The following GBP6 variants were observed in gnomAD, a reference collection of about 807,000 sequenced individuals.
The protein encoded by GBP6 is guanylate-binding protein 6.
A neutral mutation model predicts 61.5 loss-of-function variants in GBP6; 54 were observed. That is an observed-to-expected ratio of 0.88 (90% confidence interval 0.71 to 1.10). The LOEUF is 1.10. GBP6 is among the 50% of genes least tolerant of loss of function. The pLI, the probability that GBP6 is intolerant of heterozygous loss-of-function variation, is 0.00. For missense variants in GBP6, 748 were observed against 752.8 expected (o/e 0.99, Z 0.07); for synonymous variants, 255 against 273.7 (o/e 0.93, Z 0.67).
At chr1:89,382,513 T>A (rs1219887529) in intron 7 of GBP6, 151 bp from the exon 8 acceptor site, 27 of 652,186 alleles carry the variant, frequency 4.1e-5, no homozygotes, top group Non-Finnish European at 7.3e-5. Context: ...ATTGTAAATG[T>A]ATGAAGTTTT....
In GBP6 at chr1:89,378,447, G is replaced by T. The variant is rs756942354; in HGVS notation, c.459G>T (p.Lys153Asn). Residue 153 changes from lysine to asparagine, a missense_variant, in exon 5 of 11, where the codon AAG becomes AAT. By Grantham distance (94) the Lys-to-Asn change is moderately conservative (BLOSUM62 0). Transcript: ENST00000370456. The stretch of plus-strand genomic sequence containing the variant: ...TGACGGAGCTCACAGAACTAATTAA[G>T]GCAAAGTCCTCCCCAAGGCCTGATG... ...HYVTELTELIKAKSSPRPDGV... is the reference protein window; with the variant it reads ...HYVTELTELINAKSSPRPDGV... The T allele has an allele frequency of 1.2e-6, 2 of 1,614,080 alleles. No individual in the cohort carries two copies. The highest frequency in any genetic ancestry group is 1.7e-6 in the Non-Finnish European group (2 of 1,179,988).
intron 3 of GBP6, among the ~76,000 whole-genome samples, chr1:89,375,782 G>C (rs1426096740): frequency 3.3e-5 from 5 of 151,998 alleles, no homozygotes; most frequent in African/African-American, 1.2e-4. Flanking sequence ...GTCTAATTTT[G>C]CTTTTGTCAC....
intron 5 of GBP6, among the ~76,000 whole-genome samples, chr1:89,380,090 A>C (rs1652921281): frequency 6.6e-6 from 1 of 152,202 alleles, no homozygotes; most frequent in Non-Finnish European, 1.5e-5. Flanking sequence ...GTAAGCCGTG[A>C]TTGTGCCACT....
intron 1 of GBP6, among the ~76,000 whole-genome samples, chr1:89,365,269 C>T (rs1054934813): frequency 1.3e-5 from 2 of 152,224 alleles, no homozygotes; most frequent in African/African-American, 4.8e-5. Flanking sequence ...TCCCACACAG[C>T]TAAGAAACCA....
At chr1:89,382,049 C>T in intron 7 of GBP6, 75 bp downstream of exon 7, 1 of 1,379,532 alleles carries the variant, frequency 7.2e-7, no homozygotes, top group Non-Finnish European at 9.9e-7. Context: ...TTTATTGTCA[C>T]CAATGCTCAT....
intron 7 of GBP6, 36 bp downstream of exon 7, chr1:89,382,010 C>T: frequency 1.9e-6 from 3 of 1,556,102 alleles, no homozygotes; most frequent in Non-Finnish European, 2.6e-6. Flanking sequence ...CATCATCCTT[C>T]CCCTTGAAGA....
At chr1:89,380,137 C>A (rs557130299) in intron 5 of GBP6, among the ~76,000 whole-genome samples, 1 of 151,804 alleles carries the variant, frequency 6.6e-6, no homozygotes, top group Non-Finnish European at 1.5e-5. Context: ...GACCTCGTTT[C>A]GAAAAAACAA....
At chr1:89,368,872 C>A in intron 2 of GBP6, 131 bp downstream of exon 2, 1 of 740,696 alleles carries the variant, frequency 1.4e-6, no homozygotes, top group Non-Finnish European at 2.1e-6. Flanking sequence ...CATTCCAATT[C>A]TTACCACCAA....
At chr1:89,367,450 A>G (rs1652495907) in intron 1 of GBP6, among the ~76,000 whole-genome samples, 1 of 152,084 alleles carries the variant, frequency 6.6e-6, no homozygotes, top group Non-Finnish European at 1.5e-5. Context: ...TCATGTGCTT[A>G]TTGGCCATTT....
Position 89,387,506 on chromosome 1 carries a change from C to G in GBP6, c.*2037C>G, listed in dbSNP as rs993018081. Among the ~76,000 whole-genome samples the G allele has an allele frequency of 1.3e-5, 2 of 152,168 alleles. No individual in the cohort carries two copies. The highest frequency in any genetic ancestry group is 4.8e-5 in the African/African-American group (2 of 41,450). Reference sequence around the variant, plus strand: ...TCAGGCATAGGTTGTGCTAAATAAGCTTCTTTTATAAAAACAATAGGCTGA... The same window carrying G: ...TCAGGCATAGGTTGTGCTAAATAAGGTTCTTTTATAAAAACAATAGGCTGA... On this transcript the variant is annotated 3_prime_UTR_variant, in exon 11 of 11. Coordinates refer to ENST00000370456, the MANE Select transcript of GBP6 (RefSeq NM_198460.3).
chr1:89,368,607 A>C lies in GBP6; in HGVS notation c.56A>C (p.Glu19Ala), dbSNP rs1376573234. Residue 19 changes from glutamate (E) to alanine (A), a missense_variant, in exon 2 of 11, where the codon GAG (glutamate) becomes GCG (alanine). Glu to Ala is a moderately radical substitution (Grantham distance 107, BLOSUM62 -1). Transcript: ENST00000370456. Reference protein sequence around the residue: ...APVCLVENNNEQLLVNQQAIQ... With the variant: ...APVCLVENNNAQLLVNQQAIQ... ...GTTTGCCTGGTGGAAAATAACAATGAGCAGCTATTGGTGAACCAGCAAGCT... is the reference window on the plus strand; with the variant it reads ...GTTTGCCTGGTGGAAAATAACAATGCGCAGCTATTGGTGAACCAGCAAGCT... 1 of 1,614,210 alleles carries C rather than the reference A, an allele frequency of 6.2e-7. No individual in the cohort carries two copies. The highest frequency in any genetic ancestry group is 1.1e-5 in the South Asian group (1 of 91,088).
intron 6 of GBP6, among the ~76,000 whole-genome samples, chr1:89,381,432 G>T (rs1261142303): frequency 6.6e-6 from 1 of 151,958 alleles, no homozygotes; most frequent in African/African-American, 2.4e-5. Flanking sequence ...ATGAGAAATT[G>T]TACTTCCTGC....
chr1:89,368,433 C>T, intron 1 of GBP6, 96 bp from the exon 2 acceptor site: 1 of 822,956 alleles, frequency 1.2e-6, no homozygotes. Flanking sequence ...ACATGTTGTC[C>T]AGTAGAAACA....
In GBP6 at chr1:89,386,354, T is replaced by C. The variant is rs1220162647; in HGVS notation, c.*885T>C. On this transcript the variant is annotated 3_prime_UTR_variant, in exon 11 of 11. Coordinates refer to ENST00000370456, the MANE Select transcript of GBP6 (RefSeq NM_198460.3). Reference sequence around the variant, plus strand: ...AACACATACTCTTCACTTTATACTCTTGAATTTTGTAAAGAAATCTTATTT... The same window carrying C: ...AACACATACTCTTCACTTTATACTCCTGAATTTTGTAAAGAAATCTTATTT... 2 of 152,184 alleles carry C rather than the reference T, an allele frequency of 1.3e-5. No individual in the cohort carries two copies. The highest frequency in any genetic ancestry group is 6.5e-5 in the Admixed American group (1 of 15,278). The allele number at this position is 152,184 out of a possible 1,614,324, so 9.4% of individuals were successfully genotyped here.
At position 89,385,340 on chromosome 1, in the gene GBP6, C is replaced by T. The variant is rs201965336; in HGVS notation, c.1773C>T (p.Pro591=). 34 of 1,613,970 alleles carry T rather than the reference C, an allele frequency of 2.1e-5. No individual in the cohort carries two copies. The highest frequency in any genetic ancestry group is 3.3e-5 in the Admixed American group (2 of 59,994). Residue 591 remains proline, a synonymous_variant, in exon 11 of 11, where the codon CCC becomes CCT. Transcript: ENST00000370456. ...ATACTACAAAAAATGATGATACTCC[C>T]TGGATTGCACGAACCTTGGACAACC... The part of the protein sequence containing the change: ...MIDTTKNDDT[P]WIARTLDNLA...
intron 2 of GBP6, 99 bp downstream of exon 2, chr1:89,368,840 C>A: frequency 1.9e-6 from 2 of 1,076,838 alleles, no homozygotes; most frequent in East Asian, 2.4e-5. Context: ...GACTCCAATT[C>A]CTTTCAATAA....
At chr1:89,384,314 C>T (rs554437450) in intron 10 of GBP6, 28 bp downstream of exon 10, 1 of 1,569,682 alleles carries the variant, frequency 6.4e-7, no homozygotes, top group East Asian at 2.3e-5. Flanking sequence ...CTCAGCAGGC[C>T]AGACGGTCCT....
At chr1:89,375,617 T>C (rs1388068416) in intron 3 of GBP6, among the ~76,000 whole-genome samples, 1 of 152,110 alleles carries the variant, frequency 6.6e-6, no homozygotes, top group Non-Finnish European at 1.5e-5. Context: ...TTTTTTGCTA[T>C]TGAGTTATAT....
At chr1:89,379,408 A>G (rs955890220) in intron 5 of GBP6, among the ~76,000 whole-genome samples, 14 of 152,156 alleles carry the variant, frequency 9.2e-5, no homozygotes, top group African/African-American at 2.9e-4. Context: ...AAATACATCA[A>G]CATGTTACAC....
Sources: allele counts gnomAD v4.1 joint callset (sites outside exome capture counted in the v4.1 genomes callset), GRCh38; gene constraint gnomAD v4.1.1; transcripts MANE v1.5; gene names NCBI Gene and HGNC (gene_info 2026-07-23, HGNC 2026-07-21).